Variants in IQSEC1 observed in about 807,000 individuals in gnomAD.
IQSEC1 encodes IQ motif and SEC7 domain-containing protein 1.
Under a neutral mutation model 91.0 loss-of-function variants are expected in IQSEC1, and 31 were observed. The ratio of observed to expected loss-of-function variants is 0.34; its 90% CI spans 0.26 to 0.46. The LOEUF (loss-of-function observed/expected upper bound fraction) is 0.46. Among genes scored for constraint, IQSEC1 ranks in the 20% least tolerant of loss-of-function variants. The probability of loss-of-function intolerance (pLI) is 1.00; values close to 1 mark genes in which losing one functional copy is unlikely to be tolerated. For missense variants in IQSEC1, 1,388 were observed against 1,575.6 expected, an observed-to-expected ratio of 0.88 and a Z score of 2.02; for synonymous variants, 699 against 662.6, an observed-to-expected ratio of 1.05 and a Z score of -0.84.
chr3:13,164,095 A>C (rs1293726274), intron 2 of IQSEC1, among the ~76,000 whole-genome samples: 2 of 152,204 alleles, frequency 1.3e-5, no homozygotes, highest in Non-Finnish European at 2.9e-5. Context: ...AGGTGGATGA[A>C]GCACATACCT....
At chr3:12,904,891 C>T (rs1248312429) in intron 12 of IQSEC1, among the ~76,000 whole-genome samples, 2 of 152,150 alleles carry the variant, frequency 1.3e-5, no homozygotes, top group Non-Finnish European at 2.9e-5. Context: ...TGAACATGGC[C>T]CTCCTTACCC....
At chr3:13,076,648 C>G (rs954427204), upstream of IQSEC1, among the ~76,000 whole-genome samples, 3 of 152,272 alleles carry the variant, frequency 2.0e-5, no homozygotes, top group East Asian at 1.9e-4. Context: ...GTGAACCCCC[C>G]ACCCCCGCTG....
At chr3:12,987,285 T>C (rs1237829665) in intron 1 of IQSEC1, among the ~76,000 whole-genome samples, 4 of 152,150 alleles carry the variant, frequency 2.6e-5, no homozygotes, top group Admixed American at 2.0e-4. Flanking sequence ...CAGCCTGCAG[T>C]TGGGCCACTG....
intron 1 of IQSEC1, among the ~76,000 whole-genome samples, chr3:13,019,416 G>A (rs765191338): frequency 1.3e-5 from 2 of 152,364 alleles, no homozygotes; most frequent in South Asian, 2.1e-4. Flanking sequence ...ATCTGAAGAC[G>A]CAAGTGGAAA....
At chr3:13,063,652 C>A (rs1031141875) in intron 1 of IQSEC1, among the ~76,000 whole-genome samples, 1 of 152,194 alleles carries the variant, frequency 6.6e-6, no homozygotes, top group African/African-American at 2.4e-5. Context: ...GAAACCACTG[C>A]CTGCTGGCAG....
At chr3:13,146,192 G>A (rs998663583) in intron 2 of IQSEC1, among the ~76,000 whole-genome samples, 25 of 150,722 alleles carry the variant, frequency 1.7e-4, no homozygotes, top group African/African-American at 5.9e-4. Context: ...TGGCTATGTT[G>A]CCCAGGCTGG....
rs1698771138 is a variant in IQSEC1, at chr3:12,941,752, T to C, written c.137A>G (p.His46Arg). The change falls in exon 2 of 14, where the codon CAC becomes CGC. Residue 46 changes from histidine to arginine, a missense_variant. Coordinates refer to ENST00000613206, the MANE Select transcript of IQSEC1 (RefSeq NM_001134382.3). ...GSSLSPDHYE[H>R]TSVGAYGLYS... ...CAGCCCATAGGCTCCCACTGACGTG[T>C]GCTCGTAGTGATCCGGGCTCAGGCT... The C allele has an allele frequency of 6.2e-7, 1 of 1,612,124 alleles. No homozygotes were observed. The highest frequency in any genetic ancestry group is 8.5e-7 in the Non-Finnish European group (1 of 1,179,952).
At chr3:13,174,194 A>T (rs1268844782) in intron 1 of IQSEC1, among the ~76,000 whole-genome samples, 1 of 152,124 alleles carries the variant, frequency 6.6e-6, no homozygotes, top group Non-Finnish European at 1.5e-5. Context: ...GAAGCAGGTG[A>T]GGGGACTGGG....
chr3:12,935,399 C>G lies in IQSEC1; in HGVS notation c.1568+49G>C. On this transcript the variant is annotated intron_variant, in intron 3 of 13. Transcript: ENST00000613206. This position sits in a 1 kb window ranked among gnomAD's most constrained non-coding sequence, Gnocchi z 8.0. ...ATGCAGCCACGCCCACCCGCCAAGGCCCAGCAAGCCACAGCTGCCCACCCT... is the reference window on the plus strand; with the variant it reads ...ATGCAGCCACGCCCACCCGCCAAGGGCCAGCAAGCCACAGCTGCCCACCCT... The G allele has an allele frequency of 6.4e-7, 1 of 1,561,722 alleles. No individual in the cohort carries two copies. Among genetic ancestry groups the G allele is most frequent in the Non-Finnish European group, 8.7e-7 (1 of 1,147,370 alleles).
chr3:13,202,823 T>C (rs769870326), intron 1 of IQSEC1, among the ~76,000 whole-genome samples: 29 of 152,254 alleles, frequency 1.9e-4, no homozygotes, highest in Non-Finnish European at 3.8e-4. Flanking sequence ...AAGCCTGTGC[T>C]GGACCCCTAC....
At chr3:13,001,976 T>C (rs181706803) in intron 1 of IQSEC1, among the ~76,000 whole-genome samples, 1 of 152,118 alleles carries the variant, frequency 6.6e-6, no homozygotes, top group African/African-American at 2.4e-5. Flanking sequence ...GGAGAATCAC[T>C]TGAACCCGGA....
At chr3:13,110,305 A>G (rs1576254546) in intron 2 of IQSEC1, among the ~76,000 whole-genome samples, 1 of 150,922 alleles carries the variant, frequency 6.6e-6, no homozygotes, top group African/African-American at 2.4e-5. Flanking sequence ...AGTTAAAGAA[A>G]CCCGGCCGGG....
At chr3:13,157,018 G>A (rs1707096598) in intron 2 of IQSEC1, among the ~76,000 whole-genome samples, 1 of 152,214 alleles carries the variant, frequency 6.6e-6, no homozygotes. Context: ...AGGACACTGA[G>A]GCTCAGGGAA....
intron 1 of IQSEC1, among the ~76,000 whole-genome samples, chr3:13,040,671 G>A (rs1472321413): frequency 3.9e-5 from 6 of 152,170 alleles, no homozygotes; most frequent in African/African-American, 1.4e-4. Flanking sequence ...CCCCTTCCCA[G>A]CTCCATGGCC....
Position 13,211,047 on chromosome 3 carries a change from T to TA in IQSEC1, c.273-46915dup, listed in dbSNP as rs1315339001. 6.6e-6 allele frequency among the ~76,000 whole-genome samples: 1 copy of TA among 152,220 alleles called. No individual in the cohort carries two copies. The highest frequency in any genetic ancestry group is 1.5e-5 in the Non-Finnish European group (1 of 68,032). ...AGTCTGCTAGAAGGTAGAGACCTTG[T>TA]ATGCTGTTCCCTGATGCATCCTCTG... is the stretch of plus-strand genomic sequence containing the variant. On this transcript the variant is annotated intron_variant, in intron 1 of 15. Coordinates refer to the IQSEC1 transcript ENST00000648114. This position sits in a 1 kb window ranked among gnomAD's most constrained non-coding sequence, Gnocchi z 5.3.
chr3:12,899,195 C>G lies in IQSEC1; in HGVS notation c.*1788G>C. ...ATGTGAGGAGGGAAATCGGCAAAAC[C>G]CTGGCCAGCCAGCCAGCCAAGGTGA... is the stretch of plus-strand genomic sequence containing the variant. On this transcript the variant is annotated 3_prime_UTR_variant, in exon 14 of 14. Transcript: ENST00000613206. 1.6e-6 allele frequency: 1 copy of G among 617,402 alleles called. No homozygotes were observed. The highest frequency in any genetic ancestry group is 3.0e-5 in the Admixed American group (1 of 33,462). 38.2% of individuals were successfully genotyped at this position (617,402 alleles called of 1,614,324 possible).
In IQSEC1 at chr3:12,901,177, G is replaced by T. The variant is rs1384927328; in HGVS notation, c.3151C>A (p.His1051Asn). The change falls in exon 14 of 14, where the codon CAC (histidine) becomes AAC (asparagine). Residue 1051 changes from histidine (H) to asparagine (N), a missense_variant. By Grantham distance (68) the His-to-Asn change is moderately conservative. This residue lies in a region of IQSEC1 where 329 missense variants were observed against 257.8 expected (regional missense o/e 1.28). Transcript: ENST00000613206. ...TGGTACTGGTGTGCGTGCTGGATGT[G>T]CTGGGGTGGGTGGTGGTGGTGGTGA... Reference protein sequence around the residue: ...HHHHHHHPPQHIQHAHQYHHG... With the variant: ...HHHHHHHPPQNIQHAHQYHHG... The T allele has an allele frequency of 4.5e-6, 7 of 1,543,246 alleles. No homozygotes were observed. The Admixed American group carries it at 5.9e-5, about 13-fold the overall frequency.
At chr3:13,263,665 A>T (rs1473638316) in intron 1 of IQSEC1, among the ~76,000 whole-genome samples, 2 of 151,194 alleles carry the variant, frequency 1.3e-5, no homozygotes, top group African/African-American at 2.4e-5. Context: ...CTGGTCTTGA[A>T]CTCCTGACCT....
At chr3:13,057,915 A>G (rs1477632073) in intron 1 of IQSEC1, among the ~76,000 whole-genome samples, 2 of 152,262 alleles carry the variant, frequency 1.3e-5, no homozygotes, top group Non-Finnish European at 2.9e-5. Flanking sequence ...GCTCAGGGCC[A>G]GGAACCCAGA....
Sources: allele counts gnomAD v4.1 joint callset (sites outside exome capture counted in the v4.1 genomes callset), GRCh38; gene constraint gnomAD v4.1.1; regional missense constraint gnomAD v4.1.1; non-coding constraint Gnocchi (gnomAD v3.1); transcripts MANE v1.5; gene names NCBI Gene and HGNC (gene_info 2026-07-23, HGNC 2026-07-21).